GHR: variants seen among roughly 807,000 people sequenced by gnomAD.
GHR encodes growth hormone receptor.
GHR carries 35 observed loss-of-function variants against 67.1 expected under a neutral mutation model. That is an observed-to-expected ratio of 0.52 (90% CI 0.40 to 0.69). GHR has a LOEUF of 0.69. GHR is among the 30% of genes least tolerant of loss of function. The probability of loss-of-function intolerance (pLI) is 0.00; values close to 1 mark genes in which losing one functional copy is unlikely to be tolerated. For missense variants in GHR, 792 were observed against 764.6 expected, an observed-to-expected ratio of 1.04 and a Z score of -0.42; for synonymous variants, 272 against 269.1, an observed-to-expected ratio of 1.01 and a Z score of -0.10.
At chr5:42,540,267 A>G (rs1322370659) in intron 1 of GHR, among the ~76,000 whole-genome samples, 1 of 151,710 alleles carries the variant, frequency 6.6e-6, no homozygotes, top group African/African-American at 2.4e-5. Context: ...ATCTTAAAGC[A>G]TATTTTGGTA....
At chr5:42,650,251 A>C (rs187363214) in intron 3 of GHR, among the ~76,000 whole-genome samples, 3 of 152,248 alleles carry the variant, frequency 2.0e-5, no homozygotes, top group Admixed American at 2.0e-4. Context: ...GTATTACAGA[A>C]AGCAGCAGTG....
chr5:42,507,641 G>A (rs1356844838), intron 1 of GHR, among the ~76,000 whole-genome samples: 1 of 152,234 alleles, frequency 6.6e-6, no homozygotes, highest in Non-Finnish European at 1.5e-5. Flanking sequence ...AAAGTAGCTA[G>A]CAAGGAATGC....
intron 1 of GHR, among the ~76,000 whole-genome samples, chr5:42,464,262 A>G (rs564827149): frequency 6.6e-6 from 1 of 152,212 alleles, no homozygotes; most frequent in African/African-American, 2.4e-5. Flanking sequence ...CGAAGCTCCC[A>G]TGGTGAATGG....
chr5:42,473,463 GA>G (rs1457786899), intron 1 of GHR, among the ~76,000 whole-genome samples: 1 of 152,172 alleles, frequency 6.6e-6, no homozygotes, highest in Admixed American at 6.5e-5. Flanking sequence ...GACATTACCA[GA>G]ATTCAGCCTA....
chr5:42,581,911 C>T (rs1311934247), intron 2 of GHR, among the ~76,000 whole-genome samples: 1 of 152,334 alleles, frequency 6.6e-6, no homozygotes, highest in East Asian at 1.9e-4. Context: ...GAAGTGCCTG[C>T]TATCACTCCC....
At chr5:42,585,907 T>C (rs994715055) in intron 2 of GHR, among the ~76,000 whole-genome samples, 1 of 152,232 alleles carries the variant, frequency 6.6e-6, no homozygotes, top group African/African-American at 2.4e-5. Flanking sequence ...AGACTGGATT[T>C]GAATCCTGGC....
At chr5:42,596,869 C>G (rs970206401) in intron 2 of GHR, among the ~76,000 whole-genome samples, 3 of 152,118 alleles carry the variant, frequency 2.0e-5, no homozygotes, top group Admixed American at 1.3e-4. Flanking sequence ...AGCTCAGAAG[C>G]CTAATTGAGA....
At chr5:42,626,589 G>C (rs1753715168) in intron 2 of GHR, among the ~76,000 whole-genome samples, 1 of 152,142 alleles carries the variant, frequency 6.6e-6, no homozygotes, top group South Asian at 2.1e-4. Context: ...AGGTTGGAGA[G>C]TGGGGCTGAA....
At chr5:42,443,976 TATAGATATAGATATAGAC>T (rs1232025661) in intron 1 of GHR, among the ~76,000 whole-genome samples, 2 of 151,752 alleles carry the variant, frequency 1.3e-5, no homozygotes, top group Non-Finnish European at 2.9e-5. Context: ...TAGATATAGA[TATAGATATAGATATAGAC>T]ATAGACATAG....
In GHR at chr5:42,458,998, G is replaced by A. The variant is rs115946652; in HGVS notation, c.-12+35043G>A. On this transcript the variant is annotated intron_variant, in intron 1 of 9. Transcript: ENST00000230882. Reference sequence around the variant, plus strand: ...TAAAAGAAAAACAGATGCCTGTGAGGTTGTAGAGAAAAGGGAATGCTTATA... The same window carrying A: ...TAAAAGAAAAACAGATGCCTGTGAGATTGTAGAGAAAAGGGAATGCTTATA... 2.0e-4 allele frequency among the ~76,000 whole-genome samples: 30 copies of A among 152,238 alleles called. No individual in the cohort carries two copies. The South Asian group carries it at 3.9e-3, about 20-fold the overall frequency.
At chr5:42,433,732 A>ATTTTTTTTTTTTTTTTTTTTTT (rs35539827) in intron 1 of GHR, among the ~76,000 whole-genome samples, 4 of 77,586 alleles carry the variant, frequency 5.2e-5, no homozygotes, top group Non-Finnish European at 4.7e-5. Context: ...AAGATATGGT[A>ATTTTTTTTTTTTTTTTTTTTTT]TTTTTTTTTT....
In GHR at chr5:42,582,100, A is replaced by T. The variant is rs1339212158; in HGVS notation, c.70+16156A>T. Among the ~76,000 whole-genome samples, 3 of 152,316 alleles carry T rather than the reference A, an allele frequency of 2.0e-5. No homozygotes were observed. In the East Asian group the frequency reaches 5.8e-4, roughly 29 times the overall value. ...GGACACCAACCAGCATGGGAGGGAG[A>T]CTGAGAGGGCACTAAGGGGTGGTTC... On this transcript the variant is annotated intron_variant, in intron 2 of 9. Transcript: ENST00000230882.
chr5:42,496,168 T>C (rs1259540855), intron 1 of GHR, among the ~76,000 whole-genome samples: 2 of 152,182 alleles, frequency 1.3e-5, no homozygotes. Flanking sequence ...CCTCTCTAGT[T>C]TGTGAAGAGA....
At chr5:42,435,889 A>G (rs1192410567) in intron 1 of GHR, among the ~76,000 whole-genome samples, 1 of 152,234 alleles carries the variant, frequency 6.6e-6, no homozygotes, top group Non-Finnish European at 1.5e-5. Flanking sequence ...GTTGAATCCA[A>G]CATCATGCTG....
At chr5:42,523,454 A>C (rs1456511632) in intron 1 of GHR, among the ~76,000 whole-genome samples, 1 of 152,028 alleles carries the variant, frequency 6.6e-6, no homozygotes, top group African/African-American at 2.4e-5. Flanking sequence ...CAATGTTTCA[A>C]ACTTTTTTAT....
intron 1 of GHR, chr5:42,467,905 G>GA: frequency 1.3e-6 from 1 of 766,928 alleles, no homozygotes; most frequent in Non-Finnish European, 2.2e-6. Flanking sequence ...CCTCTTCTTT[G>GA]AAGCTTTCAG....
At chr5:42,548,822 C>G (rs925976541) in intron 1 of GHR, among the ~76,000 whole-genome samples, 3 of 152,188 alleles carry the variant, frequency 2.0e-5, no homozygotes, top group Non-Finnish European at 4.4e-5. Context: ...CTGCCTTCCT[C>G]CTTGTCTGGT....
At chr5:42,457,435 C>T (rs1744308313) in intron 1 of GHR, among the ~76,000 whole-genome samples, 1 of 152,124 alleles carries the variant, frequency 6.6e-6, no homozygotes, top group Admixed American at 6.5e-5. Flanking sequence ...TTTAATGTGC[C>T]AGCAGTGTTC....
intron 3 of GHR, among the ~76,000 whole-genome samples, chr5:42,672,963 C>T (rs1756390294): frequency 6.6e-6 from 1 of 152,062 alleles, no homozygotes; most frequent in South Asian, 2.1e-4. Flanking sequence ...AAGAAACCAG[C>T]AACAGAGTAA....
Sources: allele counts gnomAD v4.1 joint callset (sites outside exome capture counted in the v4.1 genomes callset), GRCh38; gene constraint gnomAD v4.1.1; transcripts MANE v1.5; gene names NCBI Gene and HGNC (gene_info 2026-07-23, HGNC 2026-07-21).